TSPAN5: variants seen among roughly 807,000 people sequenced by gnomAD.
The protein encoded by TSPAN5 is tetraspanin 5.
Under a neutral mutation model 37.1 loss-of-function variants are expected in TSPAN5, and 10 were observed. That is an observed-to-expected ratio of 0.27 (90% CI 0.17 to 0.46). TSPAN5 has a LOEUF of 0.46. Ranked by LOEUF, TSPAN5 falls within the 20% of genes least tolerant of loss-of-function variation. TSPAN5 has a pLI of 1.00. For synonymous variants in TSPAN5, 110 were observed against 118.9 expected, an observed-to-expected ratio of 0.93 and a Z score of 0.48; for missense variants, 195 against 326.6, an observed-to-expected ratio of 0.60 and a Z score of 3.11.
intron 2 of TSPAN5, among the ~76,000 whole-genome samples, chr4:98,497,097 C>G (rs111718643): frequency 1.1e-4 from 16 of 151,864 alleles, no homozygotes; most frequent in African/African-American, 3.6e-4. Context: ...GAGACTGAGG[C>G]GGGCAGATCA....
chr4:98,604,404 A>T (rs1487397497), intron 1 of TSPAN5, among the ~76,000 whole-genome samples: 1 of 152,238 alleles, frequency 6.6e-6, no homozygotes, highest in Non-Finnish European at 1.5e-5. Context: ...ACATCTCGTC[A>T]TCAAAATGAC....
intron 1 of TSPAN5, among the ~76,000 whole-genome samples, chr4:98,561,940 C>A (rs1319310662): frequency 6.6e-6 from 1 of 152,186 alleles, no homozygotes; most frequent in Non-Finnish European, 1.5e-5. Context: ...TAGCTGTGGG[C>A]AGGCACATTC....
At chr4:98,478,463 A>G (rs963361166) in intron 5 of TSPAN5, among the ~76,000 whole-genome samples, 10 of 152,234 alleles carry the variant, frequency 6.6e-5, no homozygotes, top group African/African-American at 2.4e-4. Context: ...ATGAGCCAAC[A>G]CACATAAAGG....
chr4:98,490,284 T>G (rs1233326958), intron 2 of TSPAN5, among the ~76,000 whole-genome samples: 1 of 152,096 alleles, frequency 6.6e-6, no homozygotes, highest in African/African-American at 2.4e-5. Flanking sequence ...ATGCCCGAAA[T>G]AGCAAAATAA....
chr4:98,551,348 T>A (rs1280070103), intron 1 of TSPAN5, among the ~76,000 whole-genome samples: 1 of 151,982 alleles, frequency 6.6e-6, no homozygotes, highest in African/African-American at 2.4e-5. Flanking sequence ...TCTTTTTTGT[T>A]GTATCCTTGT....
chr4:98,556,094 G>A (rs17027707), intron 1 of TSPAN5, among the ~76,000 whole-genome samples: 13,921 of 135,858 alleles, frequency 0.1, 1,256 homozygotes, highest in African/African-American at 0.25. Context: ...GCACTGAACT[G>A]GCATCTTCAC....
chr4:98,525,625 G>A (rs1022844330), intron 1 of TSPAN5, among the ~76,000 whole-genome samples: 2 of 152,136 alleles, frequency 1.3e-5, no homozygotes, highest in African/African-American at 4.8e-5. Flanking sequence ...CCCCCAGGCT[G>A]GAGTGCAGTG....
intron 1 of TSPAN5, among the ~76,000 whole-genome samples, chr4:98,518,871 G>A (rs1283198155): frequency 2.0e-5 from 3 of 152,226 alleles, no homozygotes; most frequent in Non-Finnish European, 4.4e-5. Context: ...GAACCTCTGG[G>A]CTAGAAGGGT....
intron 1 of TSPAN5, among the ~76,000 whole-genome samples, chr4:98,577,244 C>T (rs1755260300): frequency 6.6e-6 from 1 of 152,200 alleles, no homozygotes; most frequent in East Asian, 1.9e-4. Flanking sequence ...CTACTTTCAA[C>T]CCTAAGGCTC....
intron 1 of TSPAN5, among the ~76,000 whole-genome samples, chr4:98,578,189 C>T (rs561627685): frequency 2.4e-4 from 36 of 152,304 alleles, no homozygotes; most frequent in Non-Finnish European, 3.5e-4. Context: ...TCTCACAGAA[C>T]CTCCCCTTGA....
chr4:98,507,077 T>A (rs1429799968), intron 2 of TSPAN5, among the ~76,000 whole-genome samples: 1 of 152,200 alleles, frequency 6.6e-6, no homozygotes, highest in Non-Finnish European at 1.5e-5. Flanking sequence ...ACTCTGTATT[T>A]CCAGATTTTC....
intron 1 of TSPAN5, among the ~76,000 whole-genome samples, chr4:98,586,376 T>C (rs1039287482): frequency 6.6e-6 from 1 of 152,212 alleles, no homozygotes; most frequent in South Asian, 2.1e-4. Context: ...CTTGTCTGTG[T>C]GAAGAAACCA....
At chr4:98,608,762 C>T (rs1443600926) in intron 1 of TSPAN5, among the ~76,000 whole-genome samples, 1 of 152,166 alleles carries the variant, frequency 6.6e-6, no homozygotes, top group African/African-American at 2.4e-5. Flanking sequence ...CTCACTGTGT[C>T]TTCTTCATCA....
At chr4:98,522,431 T>G (rs945196579) in intron 1 of TSPAN5, among the ~76,000 whole-genome samples, 52 of 152,204 alleles carry the variant, frequency 3.4e-4, no homozygotes, top group Admixed American at 2.0e-4. Flanking sequence ...AAGTTATACC[T>G]CCGATCAAAT....
intron 1 of TSPAN5, among the ~76,000 whole-genome samples, chr4:98,629,885 T>G (rs1560566690): frequency 6.6e-6 from 1 of 152,230 alleles, no homozygotes; most frequent in Non-Finnish European, 1.5e-5. Context: ...CACAAACTTA[T>G]GCTTCCCTTT....
intron 2 of TSPAN5, among the ~76,000 whole-genome samples, chr4:98,492,592 C>T (rs778105231): frequency 7.2e-5 from 11 of 152,148 alleles, no homozygotes; most frequent in Non-Finnish European, 1.5e-4. Context: ...CACAGACACA[C>T]GCACGTGGTC....
intron 1 of TSPAN5, among the ~76,000 whole-genome samples, chr4:98,533,541 A>ATTTTTTTTTTTTTTTTTTTT (rs1754149539): frequency 3.0e-5 from 1 of 33,408 alleles, no homozygotes; most frequent in Non-Finnish European, 4.8e-5. Context: ...TATCCCCTAT[A>ATTTTTTTTTTTTTTTTTTTT]TCTTTTTTTT....
At chr4:98,544,660 G>T (rs1293501441) in intron 1 of TSPAN5, among the ~76,000 whole-genome samples, 1 of 152,070 alleles carries the variant, frequency 6.6e-6, no homozygotes, top group African/African-American at 2.4e-5. Flanking sequence ...CGAAAGCAGA[G>T]GGAGGCATAA....
At chr4:98,526,529 T>G (rs1165969092) in intron 1 of TSPAN5, among the ~76,000 whole-genome samples, 1 of 152,196 alleles carries the variant, frequency 6.6e-6, no homozygotes, top group Non-Finnish European at 1.5e-5. Flanking sequence ...GATGGCACAA[T>G]GGAGTTCATG....
Sources: gnomAD v4.1 joint callset for allele counts (sites outside exome capture counted in the v4.1 genomes callset) on GRCh38, gnomAD v4.1.1 for gene constraint, MANE v1.5 for transcripts, NCBI Gene and HGNC (gene_info 2026-07-23, HGNC 2026-07-21) for gene names.